Variants in AXIN1 observed in about 807,000 individuals in gnomAD.
The protein encoded by AXIN1 is axin 1.
In AXIN1, 30 loss-of-function variants were observed where a neutral mutation model predicts 76.4. The ratio of observed to expected loss-of-function variants is 0.39; its 90% CI spans 0.29 to 0.53. The LOEUF (loss-of-function observed/expected upper bound fraction) is 0.53. AXIN1 is among the 20% of genes least tolerant of loss of function. AXIN1 has a pLI of 0.66. For synonymous variants in AXIN1, 545 were observed against 501.4 expected, an observed-to-expected ratio of 1.09 and a Z score of -1.16; for missense variants, 1,140 against 1,198.8, an observed-to-expected ratio of 0.95 and a Z score of 0.72.
At chr16:315,977 C>T (rs1011473084) in intron 2 of AXIN1, among the ~76,000 whole-genome samples, 1 of 151,422 alleles carries the variant, frequency 6.6e-6, no homozygotes, top group African/African-American at 2.4e-5. Context: ...CGCTTGAACC[C>T]GGGAGGCAGA....
chr16:344,477 T>G (rs1018722819), intron 2 of AXIN1, among the ~76,000 whole-genome samples: 3 of 87,868 alleles, frequency 3.4e-5, no homozygotes, highest in East Asian at 3.0e-4. Context: ...TCCTTTTTTG[T>G]TTTTTTTTTG....
rs534964404 is a variant in AXIN1 at position 309,940 on chromosome 16, C to T, written c.1116+33G>A. 18 of 1,605,708 alleles carry T rather than the reference C, an allele frequency of 1.1e-5. No homozygotes were observed. In the South Asian group the frequency reaches 1.3e-4, roughly 12 times the overall value. On this transcript the variant is annotated intron_variant, in intron 4 of 10. Coordinates refer to ENST00000262320, the MANE Select transcript of AXIN1 (RefSeq NM_003502.4). ...CCAGGCCCACGCTGAGCGGGGAGGACGATGGGCTGAGGACCGCAAAGCCGG... is the reference window on the plus strand; with the variant it reads ...CCAGGCCCACGCTGAGCGGGGAGGATGATGGGCTGAGGACCGCAAAGCCGG...
intron 2 of AXIN1, among the ~76,000 whole-genome samples, chr16:325,450 T>C (rs1438710019): frequency 6.6e-6 from 1 of 152,206 alleles, no homozygotes; most frequent in Non-Finnish European, 1.5e-5. Flanking sequence ...CTCCAACTGC[T>C]TGGCAGTGCC....
rs746407039 is a variant in AXIN1, at chr16:346,918, G to T, written c.108C>A (p.Asp36Glu). The change falls in exon 2 of 11, where the codon GAC (aspartate) becomes GAA (glutamate). Residue 36 changes from aspartate to glutamate, a missense_variant. Asp to Glu is a conservative substitution (Grantham distance 45, BLOSUM62 2). Around this residue, in one of 3 missense-constraint regions of AXIN1, gnomAD observed 708 missense variants for 776.9 expected, o/e 0.91. Transcript: ENST00000262320. ...PGEEGELVST[D>E]PRPASYSFCS... Reference sequence around the variant, plus strand: ...AGAAACTGTAGCTGGCGGGCCTCGGGTCTGTGGACACCAGTTCTCCCTCCT... The same window carrying T: ...AGAAACTGTAGCTGGCGGGCCTCGGTTCTGTGGACACCAGTTCTCCCTCCT... The T allele has an allele frequency of 6.2e-6, 10 of 1,614,092 alleles. No homozygotes were observed. In the East Asian group the frequency reaches 2.0e-4, roughly 32 times the overall value.
intron 10 of AXIN1, among the ~76,000 whole-genome samples, chr16:288,840 T>C (rs1319534241): frequency 6.6e-6 from 1 of 152,080 alleles, no homozygotes; most frequent in African/African-American, 2.4e-5. Flanking sequence ...AGCACATGAG[T>C]CCAGAGCCTG....
intron 2 of AXIN1, among the ~76,000 whole-genome samples, chr16:344,614 G>C (rs935398649): frequency 2.0e-5 from 3 of 151,460 alleles, no homozygotes; most frequent in Non-Finnish European, 4.4e-5. Flanking sequence ...TCAGCCTCCC[G>C]AGGAGCTGGG....
At chr16:327,698 A>G (rs1227667584) in intron 2 of AXIN1, among the ~76,000 whole-genome samples, 1 of 152,252 alleles carries the variant, frequency 6.6e-6, no homozygotes, top group East Asian at 1.9e-4. Context: ...CCTCACCAGC[A>G]CTTACTGGCT....
At chr16:347,696 G>A (rs776778207) in intron 1 of AXIN1, among the ~76,000 whole-genome samples, 4 of 152,322 alleles carry the variant, frequency 2.6e-5, no homozygotes, top group African/African-American at 9.6e-5. Context: ...TCCGACACAT[G>A]AGAACACACT....
chr16:321,177 C>T (rs1014769835), intron 2 of AXIN1, among the ~76,000 whole-genome samples: 4 of 149,872 alleles, frequency 2.7e-5, no homozygotes, highest in East Asian at 1.9e-4. Context: ...CTGCTACCCA[C>T]GCTCTGGGAT....
chr16:323,458 G>C (rs1226571893), intron 2 of AXIN1, among the ~76,000 whole-genome samples: 1 of 137,510 alleles, frequency 7.3e-6, no homozygotes, highest in Admixed American at 7.4e-5. Context: ...AAAAAAGAAA[G>C]AAAAAAAGCC....
Position 289,484 on chromosome 16 carries a change from G to C in AXIN1, c.2418C>G (p.Thr806=), listed in dbSNP as rs1398802192. The C allele has an allele frequency of 9.3e-6, 15 of 1,612,922 alleles. No homozygotes were observed. Among genetic ancestry groups the C allele is most frequent in the Non-Finnish European group, 1.1e-5 (13 of 1,180,026 alleles). Residue 806 remains threonine (T), a synonymous_variant, in exon 10 of 11, where the codon ACC becomes ACG. Coordinates refer to ENST00000262320, the MANE Select transcript of AXIN1 (RefSeq NM_003502.4). ...TCAGCAGCTCCTTGAACTGGCCCAG[G>C]GTGACAGCGCGGCCCCTCACCAGGG... The part of the protein sequence containing the change: ...YRTLVRGRAV[T]LGQFKELLTK...
chr16:287,860 C>T lies in AXIN1; in HGVS notation c.*262G>A, dbSNP rs1279685119. 8.8e-6 allele frequency: 5 copies of T among 567,084 alleles called. No individual in the cohort carries two copies. The East Asian group carries it at 1.5e-4, about 17-fold the overall frequency. The allele number at this position is 567,084 out of a possible 1,614,324, so 35.1% of individuals were successfully genotyped here. On this transcript the variant is annotated 3_prime_UTR_variant, in exon 11 of 11. Coordinates refer to ENST00000262320, the MANE Select transcript of AXIN1 (RefSeq NM_003502.4). ...GGTCACCTGAAGCTGGCAGCAGGGACCTCGGCTGCCTCACTTGGGCTGGGC... is the reference window on the plus strand; with the variant it reads ...GGTCACCTGAAGCTGGCAGCAGGGATCTCGGCTGCCTCACTTGGGCTGGGC...
intron 2 of AXIN1, among the ~76,000 whole-genome samples, chr16:331,090 TG>T (rs1463921396): frequency 6.6e-6 from 1 of 152,192 alleles, no homozygotes; most frequent in Non-Finnish European, 1.5e-5. Context: ...CTTACAGTCA[TG>T]GTCCCTGAAT....
At chr16:317,914 A>G (rs1375949983) in intron 2 of AXIN1, among the ~76,000 whole-genome samples, 5 of 152,240 alleles carry the variant, frequency 3.3e-5, no homozygotes, top group Non-Finnish European at 7.3e-5. Flanking sequence ...ATAAACATCT[A>G]TTTGGCCAAA....
rs769430411 is a variant in AXIN1, at chr16:293,542, C to G, written c.2132G>C (p.Arg711Pro). 1 of 1,611,374 alleles carries G rather than the reference C, an allele frequency of 6.2e-7. No individual in the cohort carries two copies. The highest frequency in any genetic ancestry group is 8.5e-7 in the Non-Finnish European group (1 of 1,179,968). Reference sequence around the variant, plus strand: ...CTTTTCTTCCTCCTCCAGACGTCGGCGCGCCTCCTCCAGCTGGGTTAGGGG... The same window carrying G: ...CTTTTCTTCCTCCTCCAGACGTCGGGGCGCCTCCTCCAGCTGGGTTAGGGG... ...PNPLTQLEEA[R>P]RRLEEEEKRA... The change falls in exon 8 of 11, where the codon CGC (arginine) becomes CCC (proline). Residue 711 changes from arginine to proline, a missense_variant. Arg to Pro is a moderately radical substitution (Grantham distance 103, BLOSUM62 -2). This residue lies in a region of AXIN1 where 429 missense variants were observed against 405.8 expected (regional missense o/e 1.06). Transcript: ENST00000262320. This position sits in a 1 kb window ranked among gnomAD's most constrained non-coding sequence, Gnocchi z 4.6.
chr16:337,454 T>C (rs1432202386), intron 2 of AXIN1, among the ~76,000 whole-genome samples: 1 of 130,356 alleles, frequency 7.7e-6, no homozygotes, highest in Non-Finnish European at 1.5e-5. Flanking sequence ...ACCAATCCCA[T>C]AGACTACAGG....
chr16:350,723 C>T (rs1038903149), intron 1 of AXIN1, among the ~76,000 whole-genome samples: 1 of 152,212 alleles, frequency 6.6e-6, no homozygotes, highest in African/African-American at 2.4e-5. Context: ...CCGAAAAAGT[C>T]TGCTTAGCTT....
rs982499242 is a variant in AXIN1 at position 291,119 on chromosome 16, A to G, written c.2294+71T>C. 3.5e-6 allele frequency: 5 copies of G among 1,447,104 alleles called. No homozygotes were observed. The East Asian group carries it at 7.4e-5, about 21-fold the overall frequency. 89.6% of individuals were successfully genotyped at this position (1,447,104 alleles called of 1,614,324 possible). ...GCTCAAGCCCCGGGACGGCGGCTCTACGATGGGACCTGGCTTGGGACGCCA... is the reference window on the plus strand; with the variant it reads ...GCTCAAGCCCCGGGACGGCGGCTCTGCGATGGGACCTGGCTTGGGACGCCA... On this transcript the variant is annotated intron_variant, in intron 9 of 10. Coordinates refer to ENST00000262320, the MANE Select transcript of AXIN1 (RefSeq NM_003502.4).
chr16:338,817 G>T (rs920893805), intron 2 of AXIN1, among the ~76,000 whole-genome samples: 1 of 152,166 alleles, frequency 6.6e-6, no homozygotes, highest in South Asian at 2.1e-4. Flanking sequence ...CAGCTACTCG[G>T]GAGGCTGAGA....
Sources: gnomAD v4.1 joint callset for allele counts (sites outside exome capture counted in the v4.1 genomes callset) on GRCh38, gnomAD v4.1.1 for gene constraint, gnomAD v4.1.1 regional missense constraint, Gnocchi (gnomAD v3.1) non-coding constraint, MANE v1.5 for transcripts, NCBI Gene and HGNC (gene_info 2026-07-23, HGNC 2026-07-21) for gene names.